The following MBD5 variants were observed in gnomAD, a reference collection of about 807,000 sequenced individuals.
MBD5 encodes methyl-CpG-binding domain protein 5.
Under a neutral mutation model 117.3 loss-of-function variants are expected in MBD5, and 13 were observed. The observed-to-expected ratio is 0.11, with a 90% confidence interval of 0.07 to 0.18. The LOEUF (loss-of-function observed/expected upper bound fraction) is 0.18. Ranked by LOEUF, MBD5 falls within the 10% of genes least tolerant of loss-of-function variation. MBD5 has a pLI of 1.00. For missense variants in MBD5, 1,879 were observed against 2,093.8 expected, an observed-to-expected ratio of 0.90 and a Z score of 2.00; for synonymous variants, 727 against 766.4, an observed-to-expected ratio of 0.95 and a Z score of 0.85.
At chr2:148,206,796 A>G (rs1699293718) in intron 2 of MBD5, among the ~76,000 whole-genome samples, 1 of 152,350 alleles carries the variant, frequency 6.6e-6, no homozygotes, top group Admixed American at 6.5e-5. Context: ...AGTCAACAAA[A>G]ATGTTAAGTG....
chr2:148,094,036 A>G (rs1696004497), intron 1 of MBD5, among the ~76,000 whole-genome samples: 1 of 152,202 alleles, frequency 6.6e-6, no homozygotes, highest in Admixed American at 6.5e-5. Flanking sequence ...TAAGGTACAG[A>G]GAGCTGAAGA....
chr2:148,070,188 T>C (rs1695312918), intron 1 of MBD5, among the ~76,000 whole-genome samples: 1 of 152,210 alleles, frequency 6.6e-6, no homozygotes, highest in Non-Finnish European at 1.5e-5. Flanking sequence ...CACATATGAC[T>C]GAGAGCATGT....
At chr2:148,086,131 A>G (rs1275819967) in intron 1 of MBD5, among the ~76,000 whole-genome samples, 1 of 152,036 alleles carries the variant, frequency 6.6e-6, no homozygotes, top group Non-Finnish European at 1.5e-5. Flanking sequence ...TATATGTACT[A>G]TATAGCCTTT....
intron 3 of MBD5, among the ~76,000 whole-genome samples, chr2:148,253,955 C>G (rs1193401355): frequency 6.6e-6 from 1 of 152,190 alleles, no homozygotes; most frequent in East Asian, 1.9e-4. Context: ...CCAGCCTACT[C>G]CTGACTAAAG....
At chr2:148,259,163 A>T (rs1305287847) in intron 3 of MBD5, among the ~76,000 whole-genome samples, 1 of 152,146 alleles carries the variant, frequency 6.6e-6, no homozygotes, top group Non-Finnish European at 1.5e-5. Flanking sequence ...GTGTCGTCCC[A>T]CATAGTCCGT....
At chr2:148,429,407 A>C (rs1459870403) in intron 4 of MBD5, among the ~76,000 whole-genome samples, 1 of 152,184 alleles carries the variant, frequency 6.6e-6, no homozygotes, top group Admixed American at 6.5e-5. Context: ...TGGAGTGTAA[A>C]TTAGTTCAAT....
chr2:148,091,425 T>TA (rs1164837200), intron 1 of MBD5, among the ~76,000 whole-genome samples: 14 of 151,998 alleles, frequency 9.2e-5, no homozygotes, highest in African/African-American at 3.4e-4. Flanking sequence ...AGGCTATAGT[T>TA]ACCAAAACAG....
intron 4 of MBD5, among the ~76,000 whole-genome samples, chr2:148,395,511 G>T (rs1305226515): frequency 1.4e-5 from 2 of 142,998 alleles, no homozygotes; most frequent in Non-Finnish European, 3.0e-5. Flanking sequence ...TGCAACCTCT[G>T]CCTCCCAGGC....
At chr2:148,293,147 CAAAAAAA>C (rs35179123) in intron 3 of MBD5, among the ~76,000 whole-genome samples, 8 of 84,920 alleles carry the variant, frequency 9.4e-5, no homozygotes, top group African/African-American at 2.3e-4. Flanking sequence ...AACCTTGCCT[CAAAAAAA>C]AAAAAAAAAA....
At chr2:148,025,124 G>T (rs1054014547) in intron 1 of MBD5, 4 of 152,124 alleles carry the variant, frequency 2.6e-5, no homozygotes, top group African/African-American at 9.7e-5. Flanking sequence ...TGTACTTAGC[G>T]ATTCATTAAA....
At chr2:148,060,792 T>C (rs1198709854) in intron 1 of MBD5, among the ~76,000 whole-genome samples, 2 of 152,196 alleles carry the variant, frequency 1.3e-5, no homozygotes, top group Non-Finnish European at 2.9e-5. Flanking sequence ...TCTATGATTT[T>C]TACCATTCTT....
intron 2 of MBD5, among the ~76,000 whole-genome samples, chr2:148,211,336 T>C (rs1327953138): frequency 6.6e-6 from 1 of 152,202 alleles, no homozygotes; most frequent in Non-Finnish European, 1.5e-5. Flanking sequence ...GTGATCCTAT[T>C]GTAGTAGCTT....
chr2:148,231,673 A>G (rs755898818), intron 2 of MBD5, among the ~76,000 whole-genome samples: 3 of 152,106 alleles, frequency 2.0e-5, no homozygotes, highest in Non-Finnish European at 4.4e-5. Context: ...TAGAATGAAT[A>G]TATGTTTTAC....
At chr2:148,489,301 G>A (rs1681438427) in intron 10 of MBD5, 85 bp from the exon 11 acceptor site, 7 of 1,508,106 alleles carry the variant, frequency 4.6e-6, no homozygotes, top group Admixed American at 1.7e-5. Flanking sequence ...TTTGTCTTTT[G>A]GTAAATTTTA....
chr2:148,102,064 A>C (rs1696230621), intron 1 of MBD5, among the ~76,000 whole-genome samples: 2 of 152,170 alleles, frequency 1.3e-5, no homozygotes, highest in South Asian at 4.1e-4. Context: ...ATTAAATTGA[A>C]AGGAAATTTT....
chr2:148,281,179 C>T (rs1701236755), intron 3 of MBD5, among the ~76,000 whole-genome samples: 1 of 152,106 alleles, frequency 6.6e-6, no homozygotes, highest in South Asian at 2.1e-4. Context: ...TTCTTATCTG[C>T]TATGCCTTCT....
intron 1 of MBD5, chr2:148,056,285 AG>A (rs1229500553): frequency 6.6e-6 from 1 of 152,160 alleles, no homozygotes; most frequent in Non-Finnish European, 1.5e-5. Flanking sequence ...GATCATTCTC[AG>A]CAAATAATAA....
intron 1 of MBD5, among the ~76,000 whole-genome samples, chr2:148,023,779 A>G (rs1190338341): frequency 6.6e-6 from 1 of 150,544 alleles, no homozygotes; most frequent in African/African-American, 2.4e-5. Context: ...TTTTTTTTTT[A>G]AACATTTTTT....
chr2:148,229,152 C>T lies in MBD5; in HGVS notation c.-830-4093C>T, dbSNP rs545502225. 9.2e-5 allele frequency among the ~76,000 whole-genome samples: 14 copies of T among 151,566 alleles called. No individual in the cohort carries two copies. In the South Asian group the frequency reaches 2.7e-3, roughly 29 times the overall value. Reference sequence around the variant, plus strand: ...CTTGCATTTTGAGGCTATTTTGCAGCCTGCTTTGCTTCATTGTTTTTTCTT... The same window carrying T: ...CTTGCATTTTGAGGCTATTTTGCAGTCTGCTTTGCTTCATTGTTTTTTCTT... On this transcript the variant is annotated intron_variant, in intron 2 of 13. Transcript: ENST00000642680.
Sources: gnomAD v4.1 joint callset for allele counts (sites outside exome capture counted in the v4.1 genomes callset) on GRCh38, gnomAD v4.1.1 for gene constraint, MANE v1.5 for transcripts, NCBI Gene and HGNC (gene_info 2026-07-23, HGNC 2026-07-21) for gene names.